PTPRN2: variants seen among roughly 807,000 people sequenced by gnomAD.
PTPRN2 encodes protein tyrosine phosphatase receptor type N2, also known as receptor-type tyrosine-protein phosphatase N2.
PTPRN2 carries 74 observed loss-of-function variants against 118.8 expected under a neutral mutation model. The ratio of observed to expected loss-of-function variants is 0.62; its 90% CI spans 0.52 to 0.76. PTPRN2 has a LOEUF of 0.76. Among genes scored for constraint, PTPRN2 ranks in the 30% least tolerant of loss-of-function variants. The pLI is 0.00. For synonymous variants in PTPRN2, 641 were observed against 608.0 expected (o/e 1.05, Z -0.80); for missense variants, 1,481 against 1,394.4 (o/e 1.06, Z -0.99).
intron 3 of PTPRN2, among the ~76,000 whole-genome samples, chr7:158,218,050 A>C (rs746857669): frequency 1.3e-5 from 2 of 152,166 alleles, no homozygotes; most frequent in Non-Finnish European, 2.9e-5. Flanking sequence ...AATTTTCCCA[A>C]TCTCACTAGA....
At chr7:158,011,774 G>C (rs1453160689) in intron 11 of PTPRN2, among the ~76,000 whole-genome samples, 1 of 152,166 alleles carries the variant, frequency 6.6e-6, no homozygotes, top group African/African-American at 2.4e-5. Context: ...CGGACCCACA[G>C]AGAAAGTGAG....
At chr7:158,543,067 GTTT>G (rs1245679493) in intron 1 of PTPRN2, among the ~76,000 whole-genome samples, 1 of 152,256 alleles carries the variant, frequency 6.6e-6, no homozygotes, top group African/African-American at 2.4e-5. Context: ...TCTAGCCACA[GTTT>G]TCTTAATGAA....
intron 11 of PTPRN2, among the ~76,000 whole-genome samples, chr7:158,032,542 G>A (rs954570246): frequency 1.8e-4 from 28 of 152,230 alleles, no homozygotes; most frequent in African/African-American, 6.3e-4. Context: ...GTGAAAAAGC[G>A]CCTCTGATGC....
chr7:158,235,591 G>A (rs1563018699), intron 3 of PTPRN2, among the ~76,000 whole-genome samples: 1 of 152,220 alleles, frequency 6.6e-6, no homozygotes, highest in Non-Finnish European at 1.5e-5. Context: ...CAGAGGATGG[G>A]AAGGGGAGCT....
intron 2 of PTPRN2, among the ~76,000 whole-genome samples, chr7:158,337,081 C>A (rs201769898): frequency 3.2e-4 from 45 of 141,000 alleles, no homozygotes; most frequent in South Asian, 7.1e-4. Flanking sequence ...CACCCGCAGA[C>A]GTCACTCACA....
At chr7:157,918,921 G>C (rs1281436141) in intron 11 of PTPRN2, among the ~76,000 whole-genome samples, 1 of 152,136 alleles carries the variant, frequency 6.6e-6, no homozygotes, top group Admixed American at 6.6e-5. Context: ...AACTGCACCC[G>C]GCACTAACCC....
At chr7:158,521,562 A>G (rs10274858) in intron 1 of PTPRN2, among the ~76,000 whole-genome samples, 22,076 of 63,910 alleles carry the variant, frequency 0.35, 6,788 homozygotes, top group East Asian at 0.55. Context: ...TGGACTGTCC[A>G]GGTACTGGCT....
At chr7:158,357,347 G>A (rs1808473263) in intron 2 of PTPRN2, among the ~76,000 whole-genome samples, 1 of 152,246 alleles carries the variant, frequency 6.6e-6, no homozygotes, top group South Asian at 2.1e-4. Context: ...ACGCCCTGTG[G>A]CAGCACCTCA....
chr7:158,330,951 G>C (rs1804269383), intron 2 of PTPRN2, among the ~76,000 whole-genome samples: 1 of 108,438 alleles, frequency 9.2e-6, no homozygotes, highest in African/African-American at 3.5e-5. Context: ...GATAAGAGCT[G>C]TCACACGCAG....
At chr7:158,147,503 G>A (rs62480216) in intron 6 of PTPRN2, among the ~76,000 whole-genome samples, 1 of 35,518 alleles carries the variant, frequency 2.8e-5, no homozygotes, top group African/African-American at 1.4e-4. Flanking sequence ...CCCATCTCAC[G>A]CCACAGGTCT....
intron 6 of PTPRN2, among the ~76,000 whole-genome samples, chr7:158,160,851 T>C (rs1467547099): frequency 6.6e-6 from 1 of 152,238 alleles, no homozygotes; most frequent in African/African-American, 2.4e-5. Flanking sequence ...AATACGAATG[T>C]TATTATTGCT....
chr7:158,512,423 C>T (rs1823245357), intron 1 of PTPRN2, among the ~76,000 whole-genome samples: 1 of 152,144 alleles, frequency 6.6e-6, no homozygotes, highest in African/African-American at 2.4e-5. Flanking sequence ...TGGTAAGAGC[C>T]TGGAGTTGGA....
chr7:158,430,375 G>A (rs1425984009), intron 2 of PTPRN2, among the ~76,000 whole-genome samples: 5 of 152,216 alleles, frequency 3.3e-5, no homozygotes, highest in Non-Finnish European at 7.3e-5. Context: ...CCCGGAAGTC[G>A]GTACCACTTG....
chr7:157,586,555 G>T (rs1800684355), intron 17 of PTPRN2, among the ~76,000 whole-genome samples: 1 of 152,252 alleles, frequency 6.6e-6, no homozygotes, highest in African/African-American at 2.4e-5. Context: ...AGGAGAGGCT[G>T]CCAGACACCG....
Position 158,255,044 on chromosome 7 carries a change from C to A in PTPRN2, c.278-49771G>T, listed in dbSNP as rs143349086. On this transcript the variant is annotated intron_variant, in intron 3 of 22. Transcript: ENST00000389418. ...AGGACATCCCTTCCCTGCTCACCCACGTCCAGGACCTGTTCTTTGTATAGA... is the reference window on the plus strand; with the variant it reads ...AGGACATCCCTTCCCTGCTCACCCAAGTCCAGGACCTGTTCTTTGTATAGA... 1.6e-3 allele frequency among the ~76,000 whole-genome samples: 240 copies of A among 152,340 alleles called. 2 individuals carry two copies. Among genetic ancestry groups the A allele is most frequent in the African/African-American group, 5.7e-3 (236 of 41,572 alleles).
rs377458821 is a variant in PTPRN2, at chr7:158,389,325, C to T, written c.164-72393G>A. ...CACGCAGCCGTGTCCATAGACCACA[C>T]GAAGTGAAAGCGCACTTTGACTGTG... On this transcript the variant is annotated intron_variant, in intron 2 of 22. Coordinates refer to ENST00000389418, the MANE Select transcript of PTPRN2 (RefSeq NM_002847.5). Among the ~76,000 whole-genome samples the T allele has an allele frequency of 1.9e-4, 29 of 152,362 alleles. 1 individual carries two copies. In the South Asian group the frequency reaches 5.2e-3, roughly 27 times the overall value.
In PTPRN2 at chr7:157,744,962, C is replaced by G. The variant is rs537567200; in HGVS notation, c.1789-62025G>C. On this transcript the variant is annotated intron_variant, in intron 12 of 22. Coordinates refer to ENST00000389418, the MANE Select transcript of PTPRN2 (RefSeq NM_002847.5). ...GCGTGTCACCTCACTCCCCACCACC[C>G]CTCACTTCTGCCTCCATGAAATGTG... 1.9e-3 allele frequency among the ~76,000 whole-genome samples: 289 copies of G among 152,340 alleles called. 1 individual carries two copies. Among genetic ancestry groups the G allele is most frequent in the African/African-American group, 4.2e-3 (176 of 41,582 alleles).
At chr7:158,082,832 C>G (rs904581150) in intron 10 of PTPRN2, among the ~76,000 whole-genome samples, 1 of 152,208 alleles carries the variant, frequency 6.6e-6, no homozygotes, top group Non-Finnish European at 1.5e-5. Context: ...CTACTGCATG[C>G]AAAATGTCCT....
At chr7:157,994,499 T>C (rs546664525) in intron 11 of PTPRN2, among the ~76,000 whole-genome samples, 1 of 138,858 alleles carries the variant, frequency 7.2e-6, no homozygotes, top group African/African-American at 2.9e-5. Context: ...CACAGCTCCT[T>C]GTTCCTAAAA....
Sources: gnomAD v4.1 joint callset for allele counts (sites outside exome capture counted in the v4.1 genomes callset) on GRCh38, gnomAD v4.1.1 for gene constraint, MANE v1.5 for transcripts, NCBI Gene and HGNC (gene_info 2026-07-23, HGNC 2026-07-21) for gene names.